The following PJA2 variants were observed in gnomAD, a reference collection of about 807,000 sequenced individuals.
The protein encoded by PJA2 is praja ring finger ubiquitin ligase 2.
In PJA2, 25 loss-of-function variants were observed where a neutral mutation model predicts 69.3. The ratio of observed to expected loss-of-function variants is 0.36; its 90% CI spans 0.26 to 0.50. The LOEUF (loss-of-function observed/expected upper bound fraction) is 0.50. Among genes scored for constraint, PJA2 ranks in the 20% least tolerant of loss-of-function variants. The pLI, the probability that PJA2 is intolerant of heterozygous loss-of-function variation, is 0.96. For missense variants in PJA2, 809 were observed against 830.2 expected (o/e 0.97, Z 0.31); for synonymous variants, 308 against 277.8 (o/e 1.11, Z -1.08).
chr5:109,401,110 G>A (rs1331698986), intron 1 of PJA2, among the ~76,000 whole-genome samples: 2 of 152,196 alleles, frequency 1.3e-5, no homozygotes, highest in African/African-American at 4.8e-5. Context: ...TGGCCAACAT[G>A]GTGAAACCCT....
rs1223685103 is a variant in PJA2, at chr5:109,388,134, GCTTC to G, written c.-87-4618_-87-4615del. On this transcript the variant is annotated intron_variant, in intron 1 of 9. Transcript: ENST00000361189. ...AGAATAGGGTAATAAAAGGATTGTG[GCTTC>G]CTTAATTTCTCTGCTCACTCTTTCT... Among the ~76,000 whole-genome samples, 13 of 152,102 alleles carry G rather than the reference GCTTC, an allele frequency of 8.5e-5. No individual in the cohort carries two copies. The South Asian group carries it at 2.1e-3, about 24-fold the overall frequency.
At chr5:109,402,263 T>C (rs545757869) in intron 1 of PJA2, among the ~76,000 whole-genome samples, 2 of 152,186 alleles carry the variant, frequency 1.3e-5, no homozygotes, top group East Asian at 1.9e-4. Context: ...AACACTTCAA[T>C]GTAAAAACAG....
chr5:109,354,300 A>C (rs891807231), intron 7 of PJA2, among the ~76,000 whole-genome samples: 69 of 143,016 alleles, frequency 4.8e-4, no homozygotes, highest in South Asian at 1.1e-3. Context: ...TATGATATCT[A>C]GAGATATCTA....
chr5:109,364,149 C>T (rs1022438464), intron 5 of PJA2, among the ~76,000 whole-genome samples: 1 of 150,664 alleles, frequency 6.6e-6, no homozygotes, highest in East Asian at 2.0e-4. Context: ...TCTCAAAAAA[C>T]AAAAACAAAA....
rs1244798921 is a variant in PJA2, at chr5:109,378,629, T to C, written c.858A>G (p.Ala286=). 2 of 1,614,070 alleles carry C rather than the reference T, an allele frequency of 1.2e-6. No homozygotes were observed. The highest frequency in any genetic ancestry group is 1.7e-6 in the Non-Finnish European group (2 of 1,180,024). Residue 286 remains alanine (A), a synonymous_variant, in exon 4 of 10, where the codon GCA becomes GCG. Transcript: ENST00000361189. ...TACAAATATGCCCTGGACCACAGGC[T>C]GCATCTTCAGGTGAATGTTCTGTCT... ...ERQTEHSPED[A]ACGPGHICSE...
chr5:109,385,127 T>C (rs1747128767), intron 1 of PJA2, among the ~76,000 whole-genome samples: 1 of 152,202 alleles, frequency 6.6e-6, no homozygotes, highest in African/African-American at 2.4e-5. Flanking sequence ...AATGTGCGTT[T>C]TATTCTGAGA....
intron 6 of PJA2, among the ~76,000 whole-genome samples, chr5:109,359,997 G>A (rs545569255): frequency 6.6e-6 from 1 of 152,134 alleles, no homozygotes; most frequent in Non-Finnish European, 1.5e-5. Flanking sequence ...AGAAAGGAAA[G>A]ACAGAATGGT....
rs560220036 is a variant in PJA2, at chr5:109,384,092, A to T, written c.-87-572T>A. Among the ~76,000 whole-genome samples, 51 of 152,366 alleles carry T rather than the reference A, an allele frequency of 3.3e-4. 2 individuals are homozygous for T. The South Asian group carries it at 0.01, about 30-fold the overall frequency. The stretch of plus-strand genomic sequence containing the variant: ...GACTGTCAATGACAACAACACATAC[A>T]TAATTTGTAAGTAAACAAACAAAAA... On this transcript the variant is annotated intron_variant, in intron 1 of 9. Coordinates refer to ENST00000361189, the MANE Select transcript of PJA2 (RefSeq NM_014819.5).
intron 1 of PJA2, among the ~76,000 whole-genome samples, chr5:109,404,652 T>A (rs567181107): frequency 5.5e-4 from 84 of 152,302 alleles, no homozygotes; most frequent in Non-Finnish European, 8.8e-4. Context: ...TTTTTCACTG[T>A]GTTCTCATAC....
In PJA2 at chr5:109,335,973, CAT is replaced by C. The variant is rs1238071608; in HGVS notation, c.*1256_*1257del. The C allele has an allele frequency of 1.3e-5, 2 of 152,530 alleles. No individual in the cohort carries two copies. Among genetic ancestry groups the C allele is most frequent in the Non-Finnish European group, 1.5e-5 (1 of 68,006 alleles). The allele number at this position is 152,530 out of a possible 1,614,324, so 9.4% of individuals were successfully genotyped here. ...TGTTATGTTCCTTATATTTAAGCCTCATATGTGCCAACAGTGAAAATTCATTT... is the reference window on the plus strand; with the variant it reads ...TGTTATGTTCCTTATATTTAAGCCTCATGTGCCAACAGTGAAAATTCATTT... On this transcript the variant is annotated 3_prime_UTR_variant, in exon 10 of 10. Transcript: ENST00000361189.
chr5:109,364,311 C>A (rs918661796), intron 5 of PJA2, among the ~76,000 whole-genome samples: 5 of 152,104 alleles, frequency 3.3e-5, no homozygotes, highest in African/African-American at 1.2e-4. Context: ...CGAGAATAGT[C>A]ATGAGGAAAT....
At chr5:109,402,684 A>G (rs1747580830) in intron 1 of PJA2, among the ~76,000 whole-genome samples, 1 of 152,196 alleles carries the variant, frequency 6.6e-6, no homozygotes, top group South Asian at 2.1e-4. Flanking sequence ...AGAATACTCC[A>G]CTGCTAAACA....
At position 109,379,258 on chromosome 5, in the gene PJA2, C is replaced by T. The variant is rs764245892; in HGVS notation, c.233-4G>A. ...ACTTGATCCAAAGGACTGGAACCTT[C>T]ATAAAAAACAAAAGAAAACATATTT... On this transcript the variant is annotated splice_polypyrimidine_tract_variant and splice_region_variant and intron_variant, in intron 3 of 9. Coordinates refer to ENST00000361189, the MANE Select transcript of PJA2 (RefSeq NM_014819.5). The T allele has an allele frequency of 6.4e-7, 1 of 1,563,488 alleles. No homozygotes were observed. The highest frequency in any genetic ancestry group is 2.2e-5 in the East Asian group (1 of 44,478).
chr5:109,349,039 G>C (rs1296213240), intron 7 of PJA2, among the ~76,000 whole-genome samples: 1 of 152,174 alleles, frequency 6.6e-6, no homozygotes, highest in Non-Finnish European at 1.5e-5. Context: ...ACTAGCGATG[G>C]ATACAATGCC....
intron 2 of PJA2, among the ~76,000 whole-genome samples, chr5:109,383,098 T>C (rs1747087532): frequency 6.6e-6 from 1 of 152,192 alleles, no homozygotes. Context: ...GTTGGATAAC[T>C]TGTCTAATAA....
At chr5:109,391,156 T>A (rs888796879) in intron 1 of PJA2, among the ~76,000 whole-genome samples, 1 of 152,048 alleles carries the variant, frequency 6.6e-6, no homozygotes, top group Admixed American at 6.6e-5. Context: ...TTTTACCAGG[T>A]CCCCAAAAAA....
intron 4 of PJA2, among the ~76,000 whole-genome samples, chr5:109,371,653 T>C (rs1762677550): frequency 6.6e-6 from 1 of 152,206 alleles, no homozygotes; most frequent in Admixed American, 6.5e-5. Context: ...ATCACTTCAA[T>C]TTACATATCA....
intron 1 of PJA2, among the ~76,000 whole-genome samples, chr5:109,400,529 T>C (rs1346080472): frequency 2.6e-5 from 4 of 151,690 alleles, no homozygotes; most frequent in Non-Finnish European, 4.4e-5. Context: ...GTGGAAACAT[T>C]AGAAGAGAAA....
intron 1 of PJA2, among the ~76,000 whole-genome samples, chr5:109,392,438 G>A (rs1747303365): frequency 6.6e-6 from 1 of 151,750 alleles, no homozygotes; most frequent in Non-Finnish European, 1.5e-5. Context: ...GTGCACACCT[G>A]TAGTCCCAGC....
Sources: allele counts gnomAD v4.1 joint callset (sites outside exome capture counted in the v4.1 genomes callset), GRCh38; gene constraint gnomAD v4.1.1; transcripts MANE v1.5; gene names NCBI Gene and HGNC (gene_info 2026-07-23, HGNC 2026-07-21).